Variants in CTH observed in about 807,000 individuals in gnomAD.
CTH encodes cystathionase (cystathionine gamma-lyase).
CTH carries 41 observed loss-of-function variants against 50.6 expected under a neutral mutation model. The ratio of observed to expected loss-of-function variants is 0.81; its 90% CI spans 0.63 to 1.05. The LOEUF (loss-of-function observed/expected upper bound fraction) is 1.05, where lower values mean the gene tolerates loss of function less well. CTH is among the 50% of genes least tolerant of loss of function. The probability of loss-of-function intolerance (pLI) is 0.00; values close to 1 mark genes in which losing one functional copy is unlikely to be tolerated. For missense variants in CTH, 470 were observed against 492.6 expected, an observed-to-expected ratio of 0.95 and a Z score of 0.43; for synonymous variants, 156 against 168.9, an observed-to-expected ratio of 0.92 and a Z score of 0.59.
intron 5 of CTH, among the ~76,000 whole-genome samples, chr1:70,426,886 G>A (rs942779393): frequency 6.6e-6 from 1 of 152,122 alleles, no homozygotes; most frequent in Non-Finnish European, 1.5e-5. Flanking sequence ...GATTGCATAC[G>A]TTTTGTAGCC....
Position 70,418,049 on chromosome 1 carries a change from A to G in CTH, c.346+17A>G, listed in dbSNP as rs1684131824. The G allele has an allele frequency of 6.2e-7, 1 of 1,612,612 alleles. No homozygotes were observed. The highest frequency in any genetic ancestry group is 1.1e-5 in the South Asian group (1 of 91,054). On this transcript the variant is annotated intron_variant, in intron 3 of 11. Transcript: ENST00000370938. ...TGTATGGAGGTAGGTGACCCCTCTC[A>G]TTTATATTCTGTAAACTTGTATTTT...
At chr1:70,431,759 A>G (rs1209052107) in intron 7 of CTH, among the ~76,000 whole-genome samples, 1 of 152,230 alleles carries the variant, frequency 6.6e-6, no homozygotes, top group Non-Finnish European at 1.5e-5. Flanking sequence ...TTTCAAAGAA[A>G]TACAAGGTTA....
chr1:70,439,301 A>G lies in CTH; in HGVS notation c.*174A>G. ...TCATCTCTGTTAAAAAGTTTTCTGT[A>G]TGTCATGTTATAATTACAGGTCAAT... On this transcript the variant is annotated 3_prime_UTR_variant, in exon 12 of 12. Coordinates refer to ENST00000370938, the MANE Select transcript of CTH (RefSeq NM_001902.6). 1 of 645,364 alleles carries G rather than the reference A, an allele frequency of 1.5e-6. No individual in the cohort carries two copies. The highest frequency in any genetic ancestry group is 2.8e-6 in the Non-Finnish European group (1 of 360,794). 40.0% of individuals were successfully genotyped at this position (645,364 alleles called of 1,614,324 possible). A position where few individuals can be genotyped will look rare whatever the true frequency, so the allele number is the denominator to read the frequency against.
chr1:70,416,133 G>C lies in CTH; in HGVS notation c.250+96G>C, dbSNP rs571222721. ...TGTGGAACTGAAAAGAAACAGATTT[G>C]CTAGTTCAAAATTCCTGTTCTACTG... is the stretch of plus-strand genomic sequence containing the variant. On this transcript the variant is annotated intron_variant, in intron 2 of 11. Transcript: ENST00000370938. The C allele has an allele frequency of 6.5e-5, 53 of 810,360 alleles. No individual in the cohort carries two copies. The African/African-American group carries it at 7.5e-4, about 11-fold the overall frequency. 50.2% of individuals were successfully genotyped at this position (810,360 alleles called of 1,614,324 possible).
intron 2 of CTH, among the ~76,000 whole-genome samples, chr1:70,416,303 TGTA>T (rs1684090671): frequency 6.6e-6 from 1 of 152,200 alleles, no homozygotes; most frequent in African/African-American, 2.4e-5. Flanking sequence ...ACATTTATCA[TGTA>T]GTATTCATGT....
In CTH at chr1:70,431,956, C is replaced by G. The variant is rs990794343; in HGVS notation, c.725-127C>G. ...GCTTCTGATTTGATATATTATTTTC[C>G]TCCTAGAACTCAAACATTGAGCTTT... is the stretch of plus-strand genomic sequence containing the variant. On this transcript the variant is annotated intron_variant, in intron 7 of 11. Coordinates refer to ENST00000370938, the MANE Select transcript of CTH (RefSeq NM_001902.6). 4 of 905,076 alleles carry G rather than the reference C, an allele frequency of 4.4e-6. No homozygotes were observed. In the East Asian group the frequency reaches 9.7e-5, roughly 22 times the overall value. 56.1% of individuals were successfully genotyped at this position (905,076 alleles called of 1,614,324 possible).
intron 7 of CTH, chr1:70,431,315 C>T (rs969341341): frequency 2.0e-5 from 3 of 151,940 alleles, no homozygotes; most frequent in Non-Finnish European, 4.4e-5. Context: ...AGTTTCAAGA[C>T]TTAATGGTTT....
At chr1:70,431,634 C>T (rs1243580196) in intron 7 of CTH, among the ~76,000 whole-genome samples, 1 of 152,118 alleles carries the variant, frequency 6.6e-6, no homozygotes, top group Non-Finnish European at 1.5e-5. Flanking sequence ...AGTATATATC[C>T]TGGAGGCATG....
intron 1 of CTH, among the ~76,000 whole-genome samples, chr1:70,415,522 G>C (rs1238509162): frequency 6.6e-6 from 1 of 151,978 alleles, no homozygotes; most frequent in Admixed American, 6.6e-5. Flanking sequence ...CCAGATTAAT[G>C]AAAAAAGGTG....
chr1:70,434,613 C>G (rs967294489), intron 9 of CTH, among the ~76,000 whole-genome samples: 56 of 151,522 alleles, frequency 3.7e-4, no homozygotes, highest in African/African-American at 1.3e-3. Flanking sequence ...TTTTTTTCCC[C>G]TATTCCAGCA....
Position 70,430,414 on chromosome 1 carries a change from G to T in CTH, c.724+20G>T. The T allele has an allele frequency of 8.0e-7, 1 of 1,251,118 alleles. No individual in the cohort carries two copies. Among genetic ancestry groups the T allele is most frequent in the East Asian group, 2.3e-5 (1 of 43,100 alleles). The allele number at this position is 1,251,118 out of a possible 1,614,324, so 77.5% of individuals were successfully genotyped here. On this transcript the variant is annotated intron_variant, in intron 7 of 11. Coordinates refer to ENST00000370938, the MANE Select transcript of CTH (RefSeq NM_001902.6). ...AAAACTGTAAGTATTAAAAAGTGCA[G>T]GTTCCCTATGACACTCTCAGTGACT...
intron 1 of CTH, among the ~76,000 whole-genome samples, chr1:70,412,594 C>T (rs1378766869): frequency 1.3e-5 from 2 of 152,152 alleles, no homozygotes; most frequent in African/African-American, 4.8e-5. Context: ...GAGTGAAACT[C>T]CAACTCAAAC....
chr1:70,422,832 G>C (rs567537324), intron 4 of CTH, among the ~76,000 whole-genome samples: 6 of 152,062 alleles, frequency 3.9e-5, no homozygotes, highest in Admixed American at 3.3e-4. Flanking sequence ...GGCTGATCTT[G>C]AACTCCTGAC....
Position 70,419,578 on chromosome 1 carries a change from T to C in CTH, c.346+1546T>C, listed in dbSNP as rs893192446. Among the ~76,000 whole-genome samples, 3 of 152,344 alleles carry C rather than the reference T, an allele frequency of 2.0e-5. No individual in the cohort carries two copies. In the South Asian group the frequency reaches 6.2e-4, roughly 32 times the overall value. On this transcript the variant is annotated intron_variant, in intron 3 of 11. Coordinates refer to ENST00000370938, the MANE Select transcript of CTH (RefSeq NM_001902.6). ...TTTGCATTTCTCTGATGGCCAGTGATGATAAGCATATACCTAACGCTAAAT... is the reference window on the plus strand; with the variant it reads ...TTTGCATTTCTCTGATGGCCAGTGACGATAAGCATATACCTAACGCTAAAT...
intron 2 of CTH, 39 bp downstream of exon 2, chr1:70,416,076 A>C: frequency 8.6e-7 from 1 of 1,164,520 alleles, no homozygotes; most frequent in Non-Finnish European, 1.3e-6. Context: ...ATCTATTTTT[A>C]AATGTATAGA....
chr1:70,428,214 T>C (rs991328008), intron 5 of CTH, among the ~76,000 whole-genome samples: 1 of 152,124 alleles, frequency 6.6e-6, no homozygotes, highest in Non-Finnish European at 1.5e-5. Flanking sequence ...GAACAGCGGT[T>C]ACTAGAGTCT....
intron 5 of CTH, among the ~76,000 whole-genome samples, chr1:70,426,531 C>T (rs1398515389): frequency 6.6e-6 from 1 of 152,190 alleles, no homozygotes; most frequent in African/African-American, 2.4e-5. Context: ...TGGTATAAAC[C>T]TGCTTTTCAC....
chr1:70,414,889 G>A (rs367673946), intron 1 of CTH, among the ~76,000 whole-genome samples: 3 of 151,802 alleles, frequency 2.0e-5, no homozygotes, highest in African/African-American at 4.8e-5. Flanking sequence ...GCACTATCTC[G>A]GCTCACTGCA....
chr1:70,434,746 A>ATTT (rs35606808), intron 9 of CTH: 37 of 131,536 alleles, frequency 2.8e-4, no homozygotes, highest in South Asian at 6.6e-4. Flanking sequence ...AAATGCAATA[A>ATTT]TTTTTTTTTT....
Sources: allele counts gnomAD v4.1 joint callset (sites outside exome capture counted in the v4.1 genomes callset), GRCh38; gene constraint gnomAD v4.1.1; transcripts MANE v1.5; gene names NCBI Gene and HGNC (gene_info 2026-07-23, HGNC 2026-07-21).